Variants in EPCAM observed in about 807,000 individuals in gnomAD.
EPCAM encodes epithelial cell adhesion molecule.
Under a neutral mutation model 40.0 loss-of-function variants are expected in EPCAM, and 39 were observed. That is an observed-to-expected ratio of 0.98 (90% CI 0.76 to 1.27). The LOEUF (loss-of-function observed/expected upper bound fraction) is 1.27. Among genes scored for constraint, EPCAM ranks in the 50% most tolerant of loss-of-function variants. The pLI is 0.00. For synonymous variants in EPCAM, 168 were observed against 132.3 expected (o/e 1.27, Z -1.85); for missense variants, 503 against 381.2 (o/e 1.32, Z -2.66).
intron 6 of EPCAM, 104 bp from the exon 7 acceptor site, chr2:47,379,665 A>G (rs1245315848): frequency 7.6e-7 from 1 of 1,307,346 alleles, no homozygotes; most frequent in African/African-American, 1.5e-5. Context: ...AACCATAAAG[A>G]TTCTTGGCAG....
Position 47,375,187 on chromosome 2 carries a change from T to C in EPCAM, c.426-47T>C, listed in dbSNP as rs776597990. 5 of 1,374,250 alleles carry C rather than the reference T, an allele frequency of 3.6e-6. No individual in the cohort carries two copies. In the South Asian group the frequency reaches 5.8e-5, roughly 16 times the overall value. 85.1% of individuals were successfully genotyped at this position (1,374,250 alleles called of 1,614,324 possible). On this transcript the variant is annotated intron_variant, in intron 3 of 8. Coordinates refer to ENST00000263735, the MANE Select transcript of EPCAM (RefSeq NM_002354.3). ...GGATTAGCTTATTAGGAAAATAGTA[T>C]GGAAGACTGAGTTATAGTCAACTGA... is the stretch of plus-strand genomic sequence containing the variant.
chr2:47,369,853 C>T (rs1671177061), intron 1 of EPCAM: 1 of 586,040 alleles, frequency 1.7e-6, no homozygotes, highest in East Asian at 3.3e-5. Context: ...AGGCAGGGAA[C>T]GGAGTGGCCA....
chr2:47,383,515 G>C (rs1483612168), intron 7 of EPCAM: 1 of 148,476 alleles, frequency 6.7e-6, no homozygotes, highest in African/African-American at 2.5e-5. Flanking sequence ...ATATTGGCCA[G>C]GCTGGTCTCG....
Position 47,386,665 on chromosome 2 carries a change from T to G in EPCAM, c.*52T>G. The G allele has an allele frequency of 7.2e-7, 1 of 1,381,144 alleles. No individual in the cohort carries two copies. The highest frequency in any genetic ancestry group is 1.0e-6 in the Non-Finnish European group (1 of 969,752). The allele number at this position is 1,381,144 out of a possible 1,614,324, so 85.6% of individuals were successfully genotyped here. A position where few individuals can be genotyped will look rare whatever the true frequency, so the allele number is the denominator to read the frequency against. On this transcript the variant is annotated 3_prime_UTR_variant, in exon 9 of 9. Coordinates refer to ENST00000263735, the MANE Select transcript of EPCAM (RefSeq NM_002354.3). ...AGGGAAATAGCAAATGGACACAAATTACAAATGTGTGTGCGTGGGACGAAG... is the reference window on the plus strand; with the variant it reads ...AGGGAAATAGCAAATGGACACAAATGACAAATGTGTGTGCGTGGGACGAAG...
chr2:47,378,299 C>CTT (rs70940676), intron 5 of EPCAM, among the ~76,000 whole-genome samples: 22 of 118,672 alleles, frequency 1.9e-4, no homozygotes, highest in African/African-American at 2.7e-4. Flanking sequence ...TTTTTCTTTT[C>CTT]TTTTTTTTTT....
intron 1 of EPCAM, among the ~76,000 whole-genome samples, chr2:47,373,225 A>AAAAAAAC (rs1558434774): frequency 6.6e-6 from 1 of 150,462 alleles, no homozygotes; most frequent in Non-Finnish European, 1.5e-5. Flanking sequence ...AAAAAAAAAA[A>AAAAAAAC]AAAAAAAAAA....
chr2:47,380,772 AG>A (rs1471145299), intron 7 of EPCAM, among the ~76,000 whole-genome samples: 1 of 152,186 alleles, frequency 6.6e-6, no homozygotes, highest in Non-Finnish European at 1.5e-5. Flanking sequence ...TAGGAATGTA[AG>A]GATGCTTCGG....
At position 47,373,579 on chromosome 2, in the gene EPCAM, AAT is replaced by A. The variant is rs1418286370; in HGVS notation, c.184+12_184+13del. The A allele has an allele frequency of 1.9e-6, 3 of 1,584,058 alleles. No individual in the cohort carries two copies. In the African/African-American group the frequency reaches 4.0e-5, roughly 21 times the overall value. ...TGTCATTTGCTCAAAGCGTGAGTAA[AAT>A]ATCCTAATTACCTGTAAGCTTTATT... On this transcript the variant is annotated intron_variant, in intron 2 of 8. Coordinates refer to ENST00000263735, the MANE Select transcript of EPCAM (RefSeq NM_002354.3).
rs531684380 is a variant in EPCAM, at chr2:47,372,807, G to T, written c.77-656G>T. On this transcript the variant is annotated intron_variant, in intron 1 of 8. Transcript: ENST00000263735. ...ACAAAAAAAGGCAGTGACTAACAGG[G>T]ATGTTACTTAGCAGGACAGGACTGT... Among the ~76,000 whole-genome samples the T allele has an allele frequency of 3.2e-4, 48 of 152,146 alleles. No individual in the cohort carries two copies. The East Asian group carries it at 5.8e-3, about 18-fold the overall frequency.
In EPCAM at chr2:47,375,217, G is replaced by A; in HGVS notation, c.426-17G>A. ...GACTGAGTTATAGTCAACTGACATT[G>A]TCTTTTTACTTTATAGCTGGATCAT... On this transcript the variant is annotated splice_polypyrimidine_tract_variant and intron_variant, in intron 3 of 8. Coordinates refer to ENST00000263735, the MANE Select transcript of EPCAM (RefSeq NM_002354.3). 1 of 1,563,694 alleles carries A rather than the reference G, an allele frequency of 6.4e-7. No homozygotes were observed. Among genetic ancestry groups the A allele is most frequent in the African/African-American group, 1.4e-5 (1 of 73,942 alleles).
chr2:47,371,044 T>G (rs1334419603), intron 1 of EPCAM, among the ~76,000 whole-genome samples: 1 of 151,262 alleles, frequency 6.6e-6, no homozygotes, highest in Non-Finnish European at 1.5e-5. Context: ...GACATCTCAC[T>G]ATGTTGCCCA....
chr2:47,373,721 G>C (rs1246488301), intron 2 of EPCAM, 87 bp from the exon 3 acceptor site: 1 of 1,568,428 alleles, frequency 6.4e-7, no homozygotes. Context: ...AATAATCTTT[G>C]ACCCTGGAAC....
intron 4 of EPCAM, among the ~76,000 whole-genome samples, chr2:47,376,665 G>A (rs1159531228): frequency 1.3e-5 from 2 of 152,208 alleles, no homozygotes; most frequent in African/African-American, 4.8e-5. Flanking sequence ...GTTGCATGAT[G>A]TCAGCTTGTC....
chr2:47,378,029 G>A (rs544800490), intron 5 of EPCAM, among the ~76,000 whole-genome samples: 3 of 152,062 alleles, frequency 2.0e-5, no homozygotes, highest in South Asian at 4.2e-4. Flanking sequence ...TCAGGAGATC[G>A]AGACCATCGT....
intron 7 of EPCAM, among the ~76,000 whole-genome samples, chr2:47,382,119 G>T (rs1265625561): frequency 6.6e-6 from 1 of 151,784 alleles, no homozygotes; most frequent in African/African-American, 2.4e-5. Context: ...ATATGGCAAA[G>T]AAACTGTAAA....
chr2:47,379,366 TAAAAA>T (rs1039348317), intron 6 of EPCAM, among the ~76,000 whole-genome samples: 1 of 152,198 alleles, frequency 6.6e-6, no homozygotes, highest in Non-Finnish European at 1.5e-5. Context: ...AAAAGTCTGT[TAAAAA>T]AGACTGTAAC....
At chr2:47,380,350 C>T (rs749872616) in intron 7 of EPCAM, among the ~76,000 whole-genome samples, 21 of 152,218 alleles carry the variant, frequency 1.4e-4, no homozygotes, top group Middle Eastern at 6.8e-3. Context: ...GAAAAAGTAA[C>T]ATCCATATTC....
chr2:47,376,033 C>T (rs951646059), intron 4 of EPCAM, among the ~76,000 whole-genome samples: 6 of 151,992 alleles, frequency 3.9e-5, no homozygotes, highest in African/African-American at 1.2e-4. Context: ...CACGTTGTGC[C>T]CATTTTCCCA....
chr2:47,369,895 GCCTCGCGC>G, intron 1 of EPCAM: 1 of 475,312 alleles, frequency 2.1e-6, no homozygotes, highest in Middle Eastern at 4.1e-4. Flanking sequence ...CCGAACCGGT[GCCTCGCGC>G]CCTGGCGCAC....
Sources: allele counts gnomAD v4.1 joint callset (sites outside exome capture counted in the v4.1 genomes callset), GRCh38; gene constraint gnomAD v4.1.1; transcripts MANE v1.5; gene names NCBI Gene and HGNC (gene_info 2026-07-23, HGNC 2026-07-21).